The following AGBL4 variants were observed in gnomAD, a reference collection of about 807,000 sequenced individuals.
AGBL4 encodes the protein AGBL carboxypeptidase 4.
AGBL4 carries 58 observed loss-of-function variants against 66.4 expected under a neutral mutation model. The observed-to-expected ratio is 0.87, with a 90% CI of 0.71 to 1.09. The LOEUF is 1.09. Among genes scored for constraint, AGBL4 ranks in the 50% least tolerant of loss-of-function variants. AGBL4 has a pLI of 0.00. For synonymous variants in AGBL4, 234 were observed against 222.9 expected, an observed-to-expected ratio of 1.05 and a Z score of -0.44; for missense variants, 579 against 631.0, an observed-to-expected ratio of 0.92 and a Z score of 0.88.
intron 1 of AGBL4, among the ~76,000 whole-genome samples, chr1:49,910,894 T>A (rs183375732): frequency 6.6e-6 from 1 of 152,320 alleles, no homozygotes; most frequent in Non-Finnish European, 1.5e-5. Context: ...AAGAATTGCT[T>A]GAACCTAGGA....
At chr1:49,865,218 A>G (rs904433556) in intron 1 of AGBL4, among the ~76,000 whole-genome samples, 9 of 152,116 alleles carry the variant, frequency 5.9e-5, no homozygotes, top group African/African-American at 2.2e-4. Flanking sequence ...GATGAGTGAG[A>G]TTCGCCCCAG....
At chr1:49,918,953 C>T (rs1465480532) in intron 1 of AGBL4, among the ~76,000 whole-genome samples, 1 of 152,100 alleles carries the variant, frequency 6.6e-6, no homozygotes, top group Admixed American at 6.6e-5. Context: ...AAACATAATC[C>T]AGCATATAAA....
At chr1:49,876,928 T>C (rs1279423133) in intron 1 of AGBL4, among the ~76,000 whole-genome samples, 5 of 151,714 alleles carry the variant, frequency 3.3e-5, no homozygotes, top group African/African-American at 9.7e-5. Flanking sequence ...CAATTGTGAA[T>C]GGGAGTTCAC....
chr1:49,918,777 CA>C (rs1557579691), intron 1 of AGBL4, among the ~76,000 whole-genome samples: 1 of 151,870 alleles, frequency 6.6e-6, no homozygotes, highest in Admixed American at 6.6e-5. Flanking sequence ...GGCAGAGACA[CA>C]AAAAAAGAGA....
intron 3 of AGBL4, among the ~76,000 whole-genome samples, chr1:49,574,741 A>G (rs536872232): frequency 1.1e-4 from 17 of 152,206 alleles, no homozygotes; most frequent in Admixed American, 9.2e-4. Flanking sequence ...CAAGGTGGGC[A>G]TAGCTACCGT....
chr1:48,770,536 T>A (rs1018974604), intron 6 of AGBL4, among the ~76,000 whole-genome samples: 1 of 152,140 alleles, frequency 6.6e-6, no homozygotes, highest in Admixed American at 6.5e-5. Flanking sequence ...CTGCACTCTC[T>A]CCCACTGTAA....
chr1:49,020,414 A>G (rs541111730), intron 5 of AGBL4, among the ~76,000 whole-genome samples: 1 of 152,332 alleles, frequency 6.6e-6, no homozygotes, highest in East Asian at 1.9e-4. Context: ...CATCTGTCCA[A>G]GATGGGTCTC....
In AGBL4 at chr1:48,964,812, T is replaced by C. The variant is rs144464505; in HGVS notation, c.594+80772A>G. 1.4e-3 allele frequency among the ~76,000 whole-genome samples: 209 copies of C among 152,304 alleles called. 1 individual carries two copies. The highest frequency in any genetic ancestry group is 4.8e-3 in the African/African-American group (199 of 41,586). Reference sequence around the variant, plus strand: ...GCCAGGCACCAAAATAGGCATTTTGTTTGATATGAAACTCACAACAAGATA... The same window carrying C: ...GCCAGGCACCAAAATAGGCATTTTGCTTGATATGAAACTCACAACAAGATA... On this transcript the variant is annotated intron_variant, in intron 5 of 13. Coordinates refer to ENST00000371839, the MANE Select transcript of AGBL4 (RefSeq NM_032785.4).
At position 49,827,232 on chromosome 1, in the gene AGBL4, C is replaced by A. The variant is rs115076809; in HGVS notation, c.157+24164G>T. On this transcript the variant is annotated intron_variant, in intron 2 of 13. Coordinates refer to ENST00000371839, the MANE Select transcript of AGBL4 (RefSeq NM_032785.4). ...TCAGTAGCAATGAAATTTCAGGGAG[C>A]TGGGGGAGTAGGAAAAAATACCCAA... is the stretch of plus-strand genomic sequence containing the variant. Among the ~76,000 whole-genome samples the A allele has an allele frequency of 1.8e-3, 280 of 151,586 alleles. 2 individuals are homozygous for A. Among genetic ancestry groups the A allele is most frequent in the African/African-American group, 6.4e-3 (265 of 41,304 alleles).
At chr1:48,652,417 T>C (rs939718406) in intron 8 of AGBL4, among the ~76,000 whole-genome samples, 2 of 151,998 alleles carry the variant, frequency 1.3e-5, no homozygotes, top group African/African-American at 2.4e-5. Flanking sequence ...CAGGAACCAA[T>C]AGGACATGTC....
intron 3 of AGBL4, among the ~76,000 whole-genome samples, chr1:49,343,997 T>G (rs967971844): frequency 1.6e-4 from 25 of 152,218 alleles, no homozygotes; most frequent in Admixed American, 1.6e-3. Context: ...ATAAACTGCT[T>G]CTTTGACTTT....
At chr1:49,807,578 T>G (rs890167254) in intron 2 of AGBL4, among the ~76,000 whole-genome samples, 1 of 152,180 alleles carries the variant, frequency 6.6e-6, no homozygotes, top group Non-Finnish European at 1.5e-5. Flanking sequence ...CCATATCTAA[T>G]TGAGATGATA....
intron 2 of AGBL4, among the ~76,000 whole-genome samples, chr1:49,819,981 A>G (rs570964754): frequency 6.6e-6 from 1 of 152,316 alleles, no homozygotes; most frequent in East Asian, 1.9e-4. Context: ...GGGTACCTAC[A>G]GAGGAAGAAC....
chr1:49,390,768 C>A (rs948693229), intron 3 of AGBL4, among the ~76,000 whole-genome samples: 4 of 152,168 alleles, frequency 2.6e-5, no homozygotes, highest in African/African-American at 9.7e-5. Context: ...TGTTTTGGCC[C>A]ACTAGCAACT....
intron 4 of AGBL4, among the ~76,000 whole-genome samples, chr1:49,158,229 G>A (rs1475222978): frequency 6.6e-6 from 1 of 152,064 alleles, no homozygotes; most frequent in Admixed American, 6.5e-5. Context: ...AAAAACCCTA[G>A]AAGAAAACCT....
chr1:49,463,762 G>A (rs940764022), intron 3 of AGBL4, among the ~76,000 whole-genome samples: 1 of 151,694 alleles, frequency 6.6e-6, no homozygotes, highest in African/African-American at 2.4e-5. Flanking sequence ...GAAAACTCTG[G>A]GAAGATTAAT....
intron 1 of AGBL4, among the ~76,000 whole-genome samples, chr1:50,014,232 G>A (rs1294295998): frequency 2.0e-5 from 3 of 151,866 alleles, no homozygotes; most frequent in African/African-American, 4.8e-5. Context: ...TTAGCTGGGC[G>A]TGGTGGCATG....
At chr1:49,344,684 CT>C (rs1645605147) in intron 3 of AGBL4, among the ~76,000 whole-genome samples, 1 of 152,028 alleles carries the variant, frequency 6.6e-6, no homozygotes, top group African/African-American at 2.4e-5. Flanking sequence ...GTAATCTTAC[CT>C]TATGATCAAA....
chr1:49,074,864 A>G (rs990071811), intron 4 of AGBL4, among the ~76,000 whole-genome samples: 1 of 152,200 alleles, frequency 6.6e-6, no homozygotes, highest in African/African-American at 2.4e-5. Context: ...GGAATGGGAC[A>G]AATCAAACTC....
Sources: gnomAD v4.1 joint callset for allele counts (sites outside exome capture counted in the v4.1 genomes callset) on GRCh38, gnomAD v4.1.1 for gene constraint, MANE v1.5 for transcripts, NCBI Gene and HGNC (gene_info 2026-07-23, HGNC 2026-07-21) for gene names.